NRG1: variants seen among roughly 807,000 people sequenced by gnomAD.
NRG1 encodes the protein neuregulin 1.
Under a neutral mutation model 63.8 loss-of-function variants are expected in NRG1, and 18 were observed. The ratio of observed to expected loss-of-function variants is 0.28; its 90% CI spans 0.19 to 0.42. The LOEUF (loss-of-function observed/expected upper bound fraction) is 0.42. NRG1 is among the 10% of genes least tolerant of loss of function. NRG1 has a pLI of 1.00. For missense variants in NRG1, 762 were observed against 814.7 expected, an observed-to-expected ratio of 0.94 and a Z score of 0.79; for synonymous variants, 302 against 301.3, an observed-to-expected ratio of 1.00 and a Z score of -0.02.
At chr8:32,293,999 T>C (rs980930755) in intron 1 of NRG1, among the ~76,000 whole-genome samples, 1 of 152,312 alleles carries the variant, frequency 6.6e-6, no homozygotes, top group Non-Finnish European at 1.5e-5. Flanking sequence ...ATTACAGGCA[T>C]GAGCTACAGT....
At chr8:32,227,699 C>G (rs1469730217) in intron 1 of NRG1, among the ~76,000 whole-genome samples, 2 of 152,138 alleles carry the variant, frequency 1.3e-5, no homozygotes, top group East Asian at 3.9e-4. Context: ...ACGTCTTTCT[C>G]CCCAGGGGAG....
At chr8:32,344,862 T>C (rs1804681387) in intron 1 of NRG1, among the ~76,000 whole-genome samples, 1 of 152,164 alleles carries the variant, frequency 6.6e-6, no homozygotes, top group Non-Finnish European at 1.5e-5. Flanking sequence ...CTAGACAATC[T>C]ATTATGTATT....
At chr8:32,041,926 G>A (rs76509723) in intron 1 of NRG1, among the ~76,000 whole-genome samples, 1,569 of 152,252 alleles carry the variant, frequency 0.01, 31 homozygotes, top group South Asian at 0.083. Flanking sequence ...ATAGGGTACC[G>A]AAGACTTTGA....
chr8:32,711,800 C>T (rs930604163), intron 5 of NRG1, among the ~76,000 whole-genome samples: 4 of 152,122 alleles, frequency 2.6e-5, no homozygotes, highest in Admixed American at 2.6e-4. Flanking sequence ...GTTGTGAGCA[C>T]ATTTAAAGTG....
intron 1 of NRG1, among the ~76,000 whole-genome samples, chr8:32,143,595 C>G (rs1407034496): frequency 1.3e-5 from 2 of 152,176 alleles, no homozygotes; most frequent in Non-Finnish European, 2.9e-5. Flanking sequence ...GCTGGACAAG[C>G]ACGTTTCTCA....
At chr8:32,299,562 C>T (rs1394531834) in intron 1 of NRG1, among the ~76,000 whole-genome samples, 1 of 152,126 alleles carries the variant, frequency 6.6e-6, no homozygotes, top group Non-Finnish European at 1.5e-5. Flanking sequence ...ATTTCGCTCC[C>T]TGTGTTAGTC....
chr8:32,585,643 T>G (rs1310915863), intron 1 of NRG1, among the ~76,000 whole-genome samples: 3 of 152,168 alleles, frequency 2.0e-5, no homozygotes, highest in Non-Finnish European at 4.4e-5. Context: ...GATAGACAGC[T>G]GCATAGTTCA....
At chr8:32,599,972 C>A (rs1844037106) in intron 2 of NRG1, among the ~76,000 whole-genome samples, 1 of 152,070 alleles carries the variant, frequency 6.6e-6, no homozygotes, top group African/African-American at 2.4e-5. Context: ...ATGTGCATTT[C>A]TTTTCTCATA....
At chr8:32,271,764 C>G (rs549986209) in intron 1 of NRG1, among the ~76,000 whole-genome samples, 1 of 152,240 alleles carries the variant, frequency 6.6e-6, no homozygotes, top group East Asian at 1.9e-4. Context: ...GTACAAGTCT[C>G]TTTATGTGTC....
At chr8:32,196,068 A>T (rs1842918054) in intron 1 of NRG1, among the ~76,000 whole-genome samples, 1 of 151,890 alleles carries the variant, frequency 6.6e-6, no homozygotes, top group African/African-American at 2.4e-5. Context: ...TTTTGTACTA[A>T]CCTAATACTA....
At chr8:31,931,977 G>A (rs1259846912) in intron 1 of NRG1, among the ~76,000 whole-genome samples, 1 of 152,134 alleles carries the variant, frequency 6.6e-6, no homozygotes, top group Non-Finnish European at 1.5e-5. Flanking sequence ...GCTGAGTCAG[G>A]GAAGGCTTCA....
At chr8:32,447,257 T>C (rs1447420034) in intron 1 of NRG1, among the ~76,000 whole-genome samples, 2 of 151,908 alleles carry the variant, frequency 1.3e-5, no homozygotes, top group Non-Finnish European at 2.9e-5. Flanking sequence ...ACTCCTGACC[T>C]CGTGATCCAC....
At chr8:32,153,529 A>G (rs187425799) in intron 1 of NRG1, among the ~76,000 whole-genome samples, 22 of 152,336 alleles carry the variant, frequency 1.4e-4, no homozygotes, top group Non-Finnish European at 1.2e-4. Context: ...TGTATTAACT[A>G]TATGTCAACC....
At chr8:32,124,347 G>T (rs1050945402) in intron 1 of NRG1, among the ~76,000 whole-genome samples, 1 of 151,814 alleles carries the variant, frequency 6.6e-6, no homozygotes, top group African/African-American at 2.4e-5. Flanking sequence ...TTCTCTCATA[G>T]AAGATTCTCC....
chr8:32,158,843 G>C (rs73675843), intron 1 of NRG1, among the ~76,000 whole-genome samples: 1,673 of 152,078 alleles, frequency 0.011, 24 homozygotes, highest in African/African-American at 0.036. Flanking sequence ...GCAAAATTAC[G>C]GTACTGGGAT....
intron 1 of NRG1, among the ~76,000 whole-genome samples, chr8:32,334,568 C>G (rs953173021): frequency 6.6e-6 from 1 of 152,182 alleles, no homozygotes; most frequent in African/African-American, 2.4e-5. Flanking sequence ...AAAGCCACGA[C>G]ATTCCAGAGC....
At chr8:31,656,474 C>T (rs2130912381) in intron 1 of NRG1, among the ~76,000 whole-genome samples, 1 of 152,260 alleles carries the variant, frequency 6.6e-6, no homozygotes, top group Non-Finnish European at 1.5e-5. Context: ...GTACTATTTG[C>T]CAACTTCCGG....
intron 1 of NRG1, among the ~76,000 whole-genome samples, chr8:32,568,147 A>T (rs1268155229): frequency 6.6e-6 from 1 of 152,224 alleles, no homozygotes; most frequent in Non-Finnish European, 1.5e-5. Context: ...GGGATTGGTC[A>T]TTCGCTGCTT....
intron 5 of NRG1, among the ~76,000 whole-genome samples, chr8:32,635,594 C>A (rs145043262): frequency 6.6e-6 from 1 of 152,056 alleles, no homozygotes; most frequent in East Asian, 1.9e-4. Context: ...ACACATTTTT[C>A]CCCCACCACA....
Sources: allele counts gnomAD v4.1 joint callset (sites outside exome capture counted in the v4.1 genomes callset), GRCh38; gene constraint gnomAD v4.1.1; transcripts MANE v1.5; gene names NCBI Gene and HGNC (gene_info 2026-07-23, HGNC 2026-07-21).